Variants in WDFY3 observed in about 807,000 individuals in gnomAD.
The protein encoded by WDFY3 is WD repeat and FYVE domain-containing protein 3.
WDFY3 carries 66 observed loss-of-function variants against 409.6 expected under a neutral mutation model. The observed-to-expected ratio is 0.16, with a 90% CI of 0.13 to 0.20. WDFY3 has a LOEUF of 0.20. Ranked by LOEUF, WDFY3 falls within the 10% of genes least tolerant of loss-of-function variation. The probability of loss-of-function intolerance (pLI) is 1.00; values close to 1 mark genes in which losing one functional copy is unlikely to be tolerated. For missense variants in WDFY3, 3,031 were observed against 4,298.1 expected (o/e 0.71, Z 8.24); for synonymous variants, 1,521 against 1,537.1 (o/e 0.99, Z 0.25).
intron 55 of WDFY3, 23 bp from the exon 56 acceptor site, chr4:84,702,529 C>G (rs1165547954): frequency 1.3e-6 from 2 of 1,557,864 alleles, no homozygotes; most frequent in Non-Finnish European, 1.7e-6. Flanking sequence ...TAAGACACCT[C>G]TCTATTAGAG....
intron 2 of WDFY3, among the ~76,000 whole-genome samples, chr4:84,912,926 TA>T (rs1394154295): frequency 6.6e-6 from 1 of 152,104 alleles, no homozygotes; most frequent in African/African-American, 2.4e-5. Flanking sequence ...AGGGAAAAGG[TA>T]AACACCAAAT....
Position 84,810,033 on chromosome 4 carries a change from G to A in WDFY3, c.2199C>T (p.Ala733=), listed in dbSNP as rs762260048. ...GTGTATTTGAGGGGAAGACATTCAT[G>A]GCGCTTATTTTTCTTAGGTCTGAGA... ...GCFSDLRKIS[A]MNVFPSNTQP... is the part of the protein sequence containing the mutation. Residue 733 remains alanine (A), a synonymous_variant, in exon 14 of 68, where the codon GCC becomes GCT. Transcript: ENST00000295888. 2.5e-6 allele frequency: 4 copies of A among 1,614,138 alleles called. No homozygotes were observed. Among genetic ancestry groups the A allele is most frequent in the South Asian group, 1.1e-5 (1 of 91,084 alleles).
intron 6 of WDFY3, 41 bp downstream of exon 6, chr4:84,841,113 T>C: frequency 6.8e-7 from 1 of 1,476,022 alleles, no homozygotes; most frequent in Non-Finnish European, 9.2e-7. Context: ...GGCTATAAAA[T>C]AAAGACGCTG....
intron 44 of WDFY3, among the ~76,000 whole-genome samples, chr4:84,731,861 C>T (rs1460804774): frequency 6.6e-6 from 1 of 152,062 alleles, no homozygotes; most frequent in Non-Finnish European, 1.5e-5. Context: ...AAACAGTGAG[C>T]TGGTCATATA....
At position 84,842,683 on chromosome 4, in the gene WDFY3, G is replaced by T. The variant is rs919923037; in HGVS notation, c.305-1420C>A. Among the ~76,000 whole-genome samples the T allele has an allele frequency of 8.6e-5, 13 of 151,972 alleles. 1 individual carries two copies. Among genetic ancestry groups the T allele is most frequent in the Admixed American group, 8.5e-4 (13 of 15,282 alleles). On this transcript the variant is annotated intron_variant, in intron 5 of 67. Coordinates refer to ENST00000295888, the MANE Select transcript of WDFY3 (RefSeq NM_014991.6). ...TGTAGTCCCAGCTACTTGGGAGACTGAGGCAGGAGAATTACTTGAACCCAG... is the reference window on the plus strand; with the variant it reads ...TGTAGTCCCAGCTACTTGGGAGACTTAGGCAGGAGAATTACTTGAACCCAG...
At position 84,966,447 on chromosome 4, in the gene WDFY3, C is replaced by G. The variant is rs1204725953; in HGVS notation, c.-464G>C. 2 of 154,368 alleles carry G rather than the reference C, an allele frequency of 1.3e-5. No homozygotes were observed. Among genetic ancestry groups the G allele is most frequent in the African/African-American group, 2.4e-5 (1 of 41,436 alleles). 9.6% of individuals were successfully genotyped at this position (154,368 alleles called of 1,614,324 possible). A position where few individuals can be genotyped will look rare whatever the true frequency, so the allele number is the denominator to read the frequency against. On this transcript the variant is annotated 5_prime_UTR_variant, in exon 1 of 68. Transcript: ENST00000295888. The stretch of plus-strand genomic sequence containing the variant: ...CAGCGGTGCTAGGCAGCAGGGGCAG[C>G]GACGCCGCCGCCTTTCCCTTCTCCT...
chr4:84,944,326 A>G (rs376107816), intron 1 of WDFY3, among the ~76,000 whole-genome samples: 1 of 151,276 alleles, frequency 6.6e-6, no homozygotes, highest in African/African-American at 2.4e-5. Flanking sequence ...GGAGTTCAAG[A>G]CCAGCCTCTA....
intron 13 of WDFY3, among the ~76,000 whole-genome samples, chr4:84,810,847 A>AT (rs1752370759): frequency 6.6e-6 from 1 of 152,210 alleles, no homozygotes; most frequent in South Asian, 2.1e-4. Context: ...AAGACTTATT[A>AT]AACATTCTCT....
At chr4:84,701,792 G>A (rs563572241) in intron 56 of WDFY3, among the ~76,000 whole-genome samples, 1 of 152,188 alleles carries the variant, frequency 6.6e-6, no homozygotes, top group South Asian at 2.1e-4. Flanking sequence ...TAAAGAAAAG[G>A]GGTTTACTTA....
In WDFY3 at chr4:84,761,309, A is replaced by T. The variant is rs548594946; in HGVS notation, c.5189-4148T>A. Reference sequence around the variant, plus strand: ...TGATTTGGGGTGGAGAGTTCTGTAGATGTCTATTAGGTCTGCTTGGTGCAG... The same window carrying T: ...TGATTTGGGGTGGAGAGTTCTGTAGTTGTCTATTAGGTCTGCTTGGTGCAG... On this transcript the variant is annotated intron_variant, in intron 32 of 67. Coordinates refer to ENST00000295888, the MANE Select transcript of WDFY3 (RefSeq NM_014991.6). Among the ~76,000 whole-genome samples, 222 of 152,260 alleles carry T rather than the reference A, an allele frequency of 1.5e-3. 1 individual carries two copies. Among genetic ancestry groups the T allele is most frequent in the Non-Finnish European group, 2.7e-3 (181 of 68,032 alleles).
At chr4:84,828,627 G>A (rs1229553280) in intron 9 of WDFY3, among the ~76,000 whole-genome samples, 1 of 152,218 alleles carries the variant, frequency 6.6e-6, no homozygotes, top group East Asian at 1.9e-4. Context: ...AATAGGCCAG[G>A]TGTGGTGGCT....
intron 22 of WDFY3, 55 bp from the exon 23 acceptor site, chr4:84,787,768 T>C (rs1747809577): frequency 7.0e-7 from 1 of 1,429,108 alleles, no homozygotes; most frequent in South Asian, 1.2e-5. Flanking sequence ...CCCAGGAAAA[T>C]AACTACTTCA....
chr4:84,783,014 G>A lies in WDFY3; in HGVS notation c.4123C>T (p.His1375Tyr). The A allele has an allele frequency of 6.2e-7, 1 of 1,614,156 alleles. No homozygotes were observed. The highest frequency in any genetic ancestry group is 8.5e-7 in the Non-Finnish European group (1 of 1,180,022). Residue 1375 changes from histidine (H) to tyrosine (Y), a missense_variant, in exon 25 of 68, where the codon CAT (histidine) becomes TAT (tyrosine). Physicochemically the swap from His to Tyr is moderately conservative, Grantham distance 83. Transcript: ENST00000295888. ...PVKLIHNSAG[H>Y]LNGSARTIGA... ...ATTGTCCGTGCAGATCCATTAAGAT[G>A]TCCTGCTGAATTGTGTATCAACTTC...
chr4:84,756,323 G>T (rs1021320762), intron 33 of WDFY3, among the ~76,000 whole-genome samples: 1 of 151,986 alleles, frequency 6.6e-6, no homozygotes, highest in Non-Finnish European at 1.5e-5. Flanking sequence ...AGTGGCTCGC[G>T]CCTGTAATCC....
At chr4:84,861,755 C>A (rs1760673561) in intron 3 of WDFY3, among the ~76,000 whole-genome samples, 1 of 152,096 alleles carries the variant, frequency 6.6e-6, no homozygotes, top group Non-Finnish European at 1.5e-5. Context: ...TAAAAAAATA[C>A]ACAAACTAAC....
intron 2 of WDFY3, among the ~76,000 whole-genome samples, chr4:84,929,505 C>T (rs1447009735): frequency 6.7e-6 from 1 of 149,080 alleles, no homozygotes; most frequent in Non-Finnish European, 1.5e-5. Context: ...AAATCCATAC[C>T]GTCAGTACCT....
chr4:84,786,147 A>G lies in WDFY3; in HGVS notation c.3902-8T>C. 6.3e-7 allele frequency: 1 copy of G among 1,591,684 alleles called. No homozygotes were observed. Among genetic ancestry groups the G allele is most frequent in the Admixed American group, 1.9e-5 (1 of 53,662 alleles). Reference sequence around the variant, plus strand: ...CGGATTTTGCATCTTTACCTTCAAAAGAAGAATAATTCTTTTCAAAATCAT... The same window carrying G: ...CGGATTTTGCATCTTTACCTTCAAAGGAAGAATAATTCTTTTCAAAATCAT... On this transcript the variant is annotated splice_region_variant and splice_polypyrimidine_tract_variant and intron_variant, in intron 23 of 67. Transcript: ENST00000295888.
chr4:84,784,891 T>TACACAC (rs1215135327), intron 24 of WDFY3, among the ~76,000 whole-genome samples: 78 of 36,910 alleles, frequency 2.1e-3, no homozygotes, highest in African/African-American at 6.0e-3. Flanking sequence ...TATATATATA[T>TACACAC]ACACACACAC....
rs1428040808 is a variant in WDFY3, at chr4:84,804,045, G to A, written c.2430-578C>T. Reference sequence around the variant, plus strand: ...TTATTTGGAACTACTTTCATCTTCTGCATCTATCCTCATTATCACTGAAAA... The same window carrying A: ...TTATTTGGAACTACTTTCATCTTCTACATCTATCCTCATTATCACTGAAAA... On this transcript the variant is annotated intron_variant, in intron 15 of 67. Coordinates refer to ENST00000295888, the MANE Select transcript of WDFY3 (RefSeq NM_014991.6). 7 of 152,132 alleles carry A rather than the reference G, an allele frequency of 4.6e-5. No individual in the cohort carries two copies. In the South Asian group the frequency reaches 6.2e-4, roughly 13 times the overall value. 9.4% of individuals were successfully genotyped at this position (152,132 alleles called of 1,614,324 possible).
Sources: gnomAD v4.1 joint callset for allele counts (sites outside exome capture counted in the v4.1 genomes callset) on GRCh38, gnomAD v4.1.1 for gene constraint, MANE v1.5 for transcripts, NCBI Gene and HGNC (gene_info 2026-07-23, HGNC 2026-07-21) for gene names.